Variants in CLCA1 observed in about 807,000 individuals in gnomAD.
The protein encoded by CLCA1 is chloride channel accessory 1.
CLCA1 carries 59 observed loss-of-function variants against 85.6 expected under a neutral mutation model. The observed-to-expected ratio is 0.69, with a 90% CI of 0.56 to 0.86. The LOEUF (loss-of-function observed/expected upper bound fraction) is 0.86. Among genes scored for constraint, CLCA1 ranks in the 40% least tolerant of loss-of-function variants. The probability of loss-of-function intolerance (pLI) is 0.00; values close to 1 mark genes in which losing one functional copy is unlikely to be tolerated. For missense variants in CLCA1, 1,022 were observed against 1,101.4 expected, an observed-to-expected ratio of 0.93 and a Z score of 1.02; for synonymous variants, 396 against 398.3, an observed-to-expected ratio of 0.99 and a Z score of 0.07.
intron 9 of CLCA1, among the ~76,000 whole-genome samples, 196 bp downstream of exon 9, chr1:86,491,567 T>A (rs1648135165): frequency 6.6e-6 from 1 of 152,226 alleles, no homozygotes; most frequent in South Asian, 2.1e-4. Flanking sequence ...AGTGTCTACT[T>A]GTTTGGAAGC....
chr1:86,469,116 C>G lies in CLCA1; in HGVS notation c.145C>G (p.Leu49Val). 1 of 1,604,922 alleles carries G rather than the reference C, an allele frequency of 6.2e-7. No homozygotes were observed. Among genetic ancestry groups the G allele is most frequent in the Non-Finnish European group, 8.5e-7 (1 of 1,174,876 alleles). The change falls in exon 1 of 14, where the codon CTC becomes GTC. Residue 49 changes from leucine (L) to valine (V), a missense_variant. By Grantham distance (32) the Leu-to-Val change is conservative. Coordinates refer to ENST00000394711, the MANE Select transcript of CLCA1 (RefSeq NM_001285.4). ...CCCCAATGTGCCAGAAGATGAAACA[C>G]TCATTCAACAAATAAAGGTAAGTTC... ...IDPNVPEDET[L>V]IQQIKDMVTQ...
intron 9 of CLCA1, among the ~76,000 whole-genome samples, chr1:86,491,609 A>G (rs539695008): frequency 6.6e-6 from 1 of 152,390 alleles, no homozygotes; most frequent in South Asian, 2.1e-4. Context: ...AGAAGTCAGC[A>G]GATAAAATGT....
At chr1:86,474,269 A>C (rs977399865) in intron 3 of CLCA1, among the ~76,000 whole-genome samples, 1 of 152,228 alleles carries the variant, frequency 6.6e-6, no homozygotes, top group African/African-American at 2.4e-5. Flanking sequence ...TCAGACGTGC[A>C]TTCAAATTAT....
At chr1:86,494,792 C>A (rs1648229999) in intron 11 of CLCA1, among the ~76,000 whole-genome samples, 1 of 152,180 alleles carries the variant, frequency 6.6e-6, no homozygotes, top group Non-Finnish European at 1.5e-5. Flanking sequence ...TACATACACA[C>A]ATATGAGTGT....
intron 12 of CLCA1, among the ~76,000 whole-genome samples, chr1:86,497,437 G>T (rs1390687185): frequency 6.6e-6 from 1 of 152,194 alleles, no homozygotes; most frequent in Non-Finnish European, 1.5e-5. Context: ...GCCATGTTAG[G>T]ATCTTATGAG....
At chr1:86,495,050 A>AC (rs1487694972) in intron 11 of CLCA1, among the ~76,000 whole-genome samples, 1 of 152,090 alleles carries the variant, frequency 6.6e-6, no homozygotes, top group Admixed American at 6.6e-5. Flanking sequence ...AAAAAAAAAA[A>AC]AAAACATGTC....
intron 12 of CLCA1, among the ~76,000 whole-genome samples, chr1:86,498,311 A>C (rs149071073): frequency 1.1e-3 from 165 of 152,334 alleles, no homozygotes; most frequent in African/African-American, 3.8e-3. Context: ...CATGAAAATA[A>C]ATTCCAAAAG....
intron 7 of CLCA1, among the ~76,000 whole-genome samples, chr1:86,488,373 AAAAT>A (rs1191082506): frequency 3.3e-5 from 5 of 152,246 alleles, no homozygotes; most frequent in Non-Finnish European, 7.3e-5. Context: ...ACCATATAAA[AAAAT>A]AAATAAATAA....
intron 3 of CLCA1, among the ~76,000 whole-genome samples, chr1:86,474,201 A>G (rs1388203466): frequency 6.6e-6 from 1 of 152,208 alleles, no homozygotes; most frequent in Non-Finnish European, 1.5e-5. Context: ...CAACGGAATT[A>G]AATCTTCTAC....
At position 86,498,177 on chromosome 1, in the gene CLCA1, AGGAAGGAAGGAT is replaced by A. The variant is rs777359938; in HGVS notation, c.2114-383_2114-372del. Among the ~76,000 whole-genome samples the A allele has an allele frequency of 8.1e-3, 1,076 of 133,272 alleles. 17 individuals carry two copies. The highest frequency in any genetic ancestry group is 0.024 in the African/African-American group (829 of 34,288). 87.4% of individuals were successfully genotyped at this position (133,272 alleles called of 152,430 possible). On this transcript the variant is annotated intron_variant, in intron 12 of 13. Transcript: ENST00000394711. ...AAGAAAGGAAGGAAGGAAGGAAGGA[AGGAAGGAAGGAT>A]GGAAGGAAGGAAGGAAGGAAAAAAC...
intron 5 of CLCA1, among the ~76,000 whole-genome samples, chr1:86,484,036 G>T (rs1199698011): frequency 1.3e-5 from 2 of 152,130 alleles, no homozygotes; most frequent in African/African-American, 2.4e-5. Flanking sequence ...ATCAGATTAC[G>T]TGGGAACTCA....
intron 4 of CLCA1, among the ~76,000 whole-genome samples, chr1:86,476,889 C>T (rs891574030): frequency 2.0e-5 from 3 of 152,090 alleles, no homozygotes; most frequent in Admixed American, 2.0e-4. Flanking sequence ...TGAGGCTCTT[C>T]GGTGCCTTCA....
At chr1:86,477,396 G>A (rs931168159) in intron 4 of CLCA1, among the ~76,000 whole-genome samples, 6 of 152,190 alleles carry the variant, frequency 3.9e-5, no homozygotes, top group Non-Finnish European at 7.3e-5. Flanking sequence ...TAAACCTTGC[G>A]CGATGTCAGT....
chr1:86,496,913 A>G (rs1478342869), intron 12 of CLCA1, among the ~76,000 whole-genome samples: 1 of 152,080 alleles, frequency 6.6e-6, no homozygotes, highest in African/African-American at 2.4e-5. Flanking sequence ...TATTTTTAGT[A>G]GAGACAGGGT....
intron 1 of CLCA1, among the ~76,000 whole-genome samples, chr1:86,470,491 G>T (rs1438332456): frequency 2.0e-5 from 3 of 152,230 alleles, no homozygotes; most frequent in African/African-American, 7.2e-5. Context: ...GAATGTAGAT[G>T]CCGTATTCAT....
In CLCA1 at chr1:86,486,508, T is replaced by C. The variant is rs749960488; in HGVS notation, c.955-18T>C. 15 of 1,611,894 alleles carry C rather than the reference T, an allele frequency of 9.3e-6. No individual in the cohort carries two copies. The South Asian group carries it at 1.5e-4, about 17-fold the overall frequency. On this transcript the variant is annotated intron_variant, in intron 6 of 13. Transcript: ENST00000394711. Reference sequence around the variant, plus strand: ...TCCATCTAAACGTAACCTGTTTTTCTTTTGCTTCTCCATTTAGACTGGTAA... The same window carrying C: ...TCCATCTAAACGTAACCTGTTTTTCCTTTGCTTCTCCATTTAGACTGGTAA...
intron 13 of CLCA1, among the ~76,000 whole-genome samples, chr1:86,499,378 C>T (rs758045358): frequency 8.5e-5 from 13 of 152,318 alleles, no homozygotes; most frequent in East Asian, 1.9e-4. Flanking sequence ...TTCTTTCTGC[C>T]GGGCACTATG....
intron 9 of CLCA1, among the ~76,000 whole-genome samples, chr1:86,493,128 T>A (rs985897708): frequency 2.7e-5 from 4 of 149,154 alleles, no homozygotes; most frequent in Non-Finnish European, 5.9e-5. Context: ...AAGAGTACGA[T>A]AATAAAGTCA....
In CLCA1 at chr1:86,500,138, G is replaced by A. The variant is rs1362127295; in HGVS notation, c.*93G>A. 1 of 736,736 alleles carries A rather than the reference G, an allele frequency of 1.4e-6. No homozygotes were observed. The highest frequency in any genetic ancestry group is 1.8e-5 in the African/African-American group (1 of 55,906). 45.6% of individuals were successfully genotyped at this position (736,736 alleles called of 1,614,324 possible). A position where few individuals can be genotyped will look rare whatever the true frequency, so the allele number is the denominator to read the frequency against. On this transcript the variant is annotated 3_prime_UTR_variant, in exon 14 of 14. Transcript: ENST00000394711. ...AATGTATTTTAGACTTCCTGTAGGG[G>A]GCGATATACTAAATGTATATAGTAC...
Sources: gnomAD v4.1 joint callset for allele counts (sites outside exome capture counted in the v4.1 genomes callset) on GRCh38, gnomAD v4.1.1 for gene constraint, MANE v1.5 for transcripts, NCBI Gene and HGNC (gene_info 2026-07-23, HGNC 2026-07-21) for gene names.